The following PIP4K2A variants were observed in gnomAD, a reference collection of about 807,000 sequenced individuals.
The protein encoded by PIP4K2A is phosphatidylinositol 5-phosphate 4-kinase type-2 alpha.
A neutral mutation model predicts 42.9 loss-of-function variants in PIP4K2A; 14 were observed. The observed-to-expected ratio is 0.33, with a 90% CI of 0.22 to 0.51. The LOEUF is 0.51. Among genes scored for constraint, PIP4K2A ranks in the 20% least tolerant of loss-of-function variants. The probability of loss-of-function intolerance (pLI) is 0.97; values close to 1 mark genes in which losing one functional copy is unlikely to be tolerated. For missense variants in PIP4K2A, 434 were observed against 519.8 expected (o/e 0.83, Z 1.61); for synonymous variants, 192 against 192.2 (o/e 1.00, Z 0.01).
intron 2 of PIP4K2A, among the ~76,000 whole-genome samples, chr10:22,608,248 T>C (rs1837952958): frequency 6.6e-6 from 1 of 152,200 alleles, no homozygotes; most frequent in Non-Finnish European, 1.5e-5. Flanking sequence ...GCTTGGACTA[T>C]GTGACCTCTT....
chr10:22,664,734 T>C (rs1165278323), intron 1 of PIP4K2A, among the ~76,000 whole-genome samples: 6 of 152,134 alleles, frequency 3.9e-5, no homozygotes, highest in Non-Finnish European at 8.8e-5. Context: ...AGCTGTATGC[T>C]TTCAGTACGA....
intron 1 of PIP4K2A, among the ~76,000 whole-genome samples, chr10:22,610,751 A>C (rs80296405): frequency 0.025 from 3,869 of 152,322 alleles, 162 homozygotes; most frequent in African/African-American, 0.087. Flanking sequence ...ACTTGGGCCA[A>C]ACGAAAGCTG....
intron 4 of PIP4K2A, among the ~76,000 whole-genome samples, chr10:22,578,087 A>G (rs1837165747): frequency 6.6e-6 from 1 of 152,268 alleles, no homozygotes; most frequent in East Asian, 1.9e-4. Context: ...GCAAAAATAA[A>G]ATGATGCAAA....
At chr10:22,663,045 ACTC>A (rs1485458953) in intron 1 of PIP4K2A, among the ~76,000 whole-genome samples, 1 of 152,166 alleles carries the variant, frequency 6.6e-6, no homozygotes, top group Non-Finnish European at 1.5e-5. Flanking sequence ...GGGCTCTGCC[ACTC>A]CTAGTGACAG....
intron 6 of PIP4K2A, among the ~76,000 whole-genome samples, chr10:22,562,149 A>G (rs1240242059): frequency 6.6e-6 from 1 of 152,186 alleles, no homozygotes; most frequent in East Asian, 1.9e-4. Flanking sequence ...TTTTTGGAAG[A>G]GTCAAAAATC....
chr10:22,555,994 C>A (rs1214067780), intron 6 of PIP4K2A, among the ~76,000 whole-genome samples: 2 of 151,924 alleles, frequency 1.3e-5, no homozygotes, highest in Non-Finnish European at 2.9e-5. Flanking sequence ...GGGCCCCATG[C>A]AGCCCGTGAG....
chr10:22,561,269 G>A (rs944508838), intron 6 of PIP4K2A, among the ~76,000 whole-genome samples: 4 of 152,138 alleles, frequency 2.6e-5, no homozygotes, highest in East Asian at 1.9e-4. Context: ...TGCATGTTCT[G>A]AGACTTGTTG....
At chr10:22,698,435 CA>C (rs1840011968) in intron 1 of PIP4K2A, among the ~76,000 whole-genome samples, 2 of 152,060 alleles carry the variant, frequency 1.3e-5, no homozygotes, top group Non-Finnish European at 2.9e-5. Context: ...ACCCTTTGAC[CA>C]AGTAAATTCC....
At chr10:22,665,902 T>G (rs11013086) in intron 1 of PIP4K2A, among the ~76,000 whole-genome samples, 9,186 of 152,084 alleles carry the variant, frequency 0.06, 419 homozygotes, top group Non-Finnish European at 0.094. Flanking sequence ...GTACTTTTAG[T>G]TCTATGGGAT....
At chr10:22,579,568 A>C (rs1049225108) in intron 4 of PIP4K2A, among the ~76,000 whole-genome samples, 1 of 152,142 alleles carries the variant, frequency 6.6e-6, no homozygotes, top group Non-Finnish European at 1.5e-5. Context: ...CTGCTTAGAC[A>C]TGATGCTCCC....
intron 1 of PIP4K2A, among the ~76,000 whole-genome samples, chr10:22,699,660 G>C (rs1833673463): frequency 6.6e-6 from 1 of 151,966 alleles, no homozygotes; most frequent in Non-Finnish European, 1.5e-5. Flanking sequence ...ATCTATACCT[G>C]GTTATCCTTG....
intron 1 of PIP4K2A, among the ~76,000 whole-genome samples, chr10:22,631,691 G>A (rs1778327): frequency 0.18 from 27,258 of 152,010 alleles, 2,825 homozygotes; most frequent in African/African-American, 0.27. Context: ...CTATGTAGAA[G>A]GAATAATGAA....
chr10:22,598,524 T>C (rs1413740480), intron 3 of PIP4K2A, among the ~76,000 whole-genome samples: 3 of 152,170 alleles, frequency 2.0e-5, no homozygotes, highest in Admixed American at 6.5e-5. Flanking sequence ...AGGTCTTCCT[T>C]CTATTGCTGG....
intron 1 of PIP4K2A, among the ~76,000 whole-genome samples, chr10:22,685,064 T>C (rs1032777807): frequency 1.3e-5 from 2 of 152,184 alleles, no homozygotes; most frequent in Non-Finnish European, 2.9e-5. Flanking sequence ...ATCTGCCATG[T>C]ATATATTTTT....
At chr10:22,633,432 C>T (rs892031234) in intron 1 of PIP4K2A, among the ~76,000 whole-genome samples, 1 of 152,158 alleles carries the variant, frequency 6.6e-6, no homozygotes, top group Admixed American at 6.5e-5. Flanking sequence ...TTTTATTTTA[C>T]CCACTTACCC....
At chr10:22,547,248 C>CT (rs1316443018) in intron 7 of PIP4K2A, among the ~76,000 whole-genome samples, 1 of 152,216 alleles carries the variant, frequency 6.6e-6, no homozygotes, top group East Asian at 1.9e-4. Flanking sequence ...TATCTTACCA[C>CT]TTGTTAAAAA....
intron 1 of PIP4K2A, among the ~76,000 whole-genome samples, chr10:22,656,459 T>C (rs1839103445): frequency 6.6e-6 from 1 of 152,224 alleles, no homozygotes; most frequent in South Asian, 2.1e-4. Flanking sequence ...ACTGTCTTGC[T>C]GGACTCAGTG....
chr10:22,593,860 G>A (rs1837566182), intron 3 of PIP4K2A, among the ~76,000 whole-genome samples: 2 of 152,194 alleles, frequency 1.3e-5, no homozygotes, highest in South Asian at 4.1e-4. Context: ...CAACTTTTGG[G>A]GGATGGGGAA....
chr10:22,545,875 T>G (rs898037208), intron 7 of PIP4K2A, among the ~76,000 whole-genome samples: 1 of 152,082 alleles, frequency 6.6e-6, no homozygotes, highest in Non-Finnish European at 1.5e-5. Context: ...AGCTAATTAT[T>G]TTTTATTTTG....
Sources: allele counts gnomAD v4.1 joint callset (sites outside exome capture counted in the v4.1 genomes callset), GRCh38; gene constraint gnomAD v4.1.1; transcripts MANE v1.5; gene names NCBI Gene and HGNC (gene_info 2026-07-23, HGNC 2026-07-21).